The following CDH18 variants were observed in gnomAD, a reference collection of about 807,000 sequenced individuals.
CDH18 encodes cadherin 18.
A neutral mutation model predicts 67.9 loss-of-function variants in CDH18; 31 were observed. The ratio of observed to expected loss-of-function variants is 0.46; its 90% CI spans 0.34 to 0.62. CDH18 has a LOEUF of 0.62. Among genes scored for constraint, CDH18 ranks in the 20% least tolerant of loss-of-function variants. The pLI is 0.01. For missense variants in CDH18, 890 were observed against 975.5 expected (o/e 0.91, Z 1.17); for synonymous variants, 362 against 347.2 (o/e 1.04, Z -0.48).
intron 2 of CDH18, among the ~76,000 whole-genome samples, chr5:20,033,203 T>C (rs950345349): frequency 2.4e-4 from 37 of 151,384 alleles, no homozygotes; most frequent in African/African-American, 9.0e-4. Flanking sequence ...ATCTTCCTTT[T>C]TAAAAAAAAA....
intron 9 of CDH18, among the ~76,000 whole-genome samples, chr5:19,522,313 T>C (rs1374544997): frequency 6.6e-6 from 1 of 151,698 alleles, no homozygotes; most frequent in Admixed American, 6.6e-5. Flanking sequence ...TGGTGAAAAA[T>C]CTAAGAATTA....
intron 1 of CDH18, among the ~76,000 whole-genome samples, chr5:20,273,015 T>C (rs1440201911): frequency 1.3e-5 from 2 of 152,086 alleles, no homozygotes; most frequent in African/African-American, 2.4e-5. Context: ...AAGCAAACAA[T>C]TTACTATATG....
intron 1 of CDH18, among the ~76,000 whole-genome samples, chr5:20,341,857 C>A (rs62352791): frequency 0.49 from 75,051 of 151,780 alleles, 19,916 homozygotes; most frequent in Middle Eastern, 0.63. Flanking sequence ...ATTCACTGAT[C>A]ATGAGAAGCA....
At chr5:19,727,093 T>C (rs987958002) in intron 4 of CDH18, among the ~76,000 whole-genome samples, 2 of 152,180 alleles carry the variant, frequency 1.3e-5, no homozygotes, top group African/African-American at 2.4e-5. Flanking sequence ...CTTTCTGTTA[T>C]GTGAGCCCAA....
At chr5:19,902,872 C>T (rs1417104382) in intron 2 of CDH18, among the ~76,000 whole-genome samples, 5 of 152,130 alleles carry the variant, frequency 3.3e-5, no homozygotes, top group African/African-American at 1.2e-4. Flanking sequence ...CATTGTTTAA[C>T]TCTTATGAAG....
At chr5:20,427,224 C>G (rs1246118013) in intron 1 of CDH18, among the ~76,000 whole-genome samples, 24 of 151,002 alleles carry the variant, frequency 1.6e-4, no homozygotes, top group Non-Finnish European at 5.9e-5. Context: ...TAAATACAAT[C>G]CTAAATTTGC....
chr5:20,274,918 A>G (rs764422130), intron 1 of CDH18, among the ~76,000 whole-genome samples: 3 of 152,144 alleles, frequency 2.0e-5, no homozygotes, highest in African/African-American at 4.8e-5. Flanking sequence ...AAAAAATGCA[A>G]TAGCATTCCA....
intron 2 of CDH18, among the ~76,000 whole-genome samples, chr5:19,955,785 AG>A (rs1006925400): frequency 1.3e-5 from 2 of 152,120 alleles, no homozygotes; most frequent in African/African-American, 4.8e-5. Context: ...ACATTCCCAA[AG>A]AGTAACTGCC....
chr5:19,965,930 A>G (rs1797393718), intron 2 of CDH18, among the ~76,000 whole-genome samples: 1 of 152,182 alleles, frequency 6.6e-6, no homozygotes, highest in Non-Finnish European at 1.5e-5. Flanking sequence ...CATGCAGTAC[A>G]ACAGAACACA....
chr5:19,594,255 G>T (rs1745808336), intron 6 of CDH18, among the ~76,000 whole-genome samples: 1 of 151,962 alleles, frequency 6.6e-6, no homozygotes, highest in African/African-American at 2.4e-5. Flanking sequence ...GGCTTCACAG[G>T]ATTCTTCTGC....
At chr5:20,195,550 A>G (rs1408440069) in intron 2 of CDH18, among the ~76,000 whole-genome samples, 7 of 152,054 alleles carry the variant, frequency 4.6e-5, no homozygotes, top group Non-Finnish European at 1.5e-5. Context: ...GAATTATTTT[A>G]CTGCATAGAT....
At position 20,575,179 on chromosome 5, in the gene CDH18, C is replaced by T. The variant is rs140992748; in HGVS notation, c.-580+283G>A. 5.9e-3 allele frequency among the ~76,000 whole-genome samples: 900 copies of T among 151,984 alleles called. 14 individuals carry two copies. Among genetic ancestry groups the T allele is most frequent in the African/African-American group, 0.021 (859 of 41,480 alleles). ...AAAAAAATGTACTTTGTATTATAAA[C>T]TTGGCTTATTTTTCTTCTTTACGTG... On this transcript the variant is annotated intron_variant, in intron 1 of 14. Transcript: ENST00000507958.
intron 5 of CDH18, among the ~76,000 whole-genome samples, chr5:19,692,389 T>C (rs1211369154): frequency 6.6e-6 from 1 of 152,110 alleles, no homozygotes; most frequent in African/African-American, 2.4e-5. Context: ...AATGTGACTA[T>C]ATTAAACTAA....
At chr5:19,977,501 T>C (rs573757850) in intron 2 of CDH18, among the ~76,000 whole-genome samples, 64 of 152,278 alleles carry the variant, frequency 4.2e-4, no homozygotes, top group African/African-American at 1.5e-3. Context: ...CATATGTCAC[T>C]CCATTTGCAT....
intron 2 of CDH18, among the ~76,000 whole-genome samples, chr5:20,169,670 C>T (rs1736548215): frequency 6.6e-6 from 1 of 152,098 alleles, no homozygotes; most frequent in Non-Finnish European, 1.5e-5. Context: ...GCAATTTATA[C>T]ATTCTAAAAG....
intron 2 of CDH18, among the ~76,000 whole-genome samples, chr5:20,070,749 C>T (rs1743412564): frequency 6.6e-6 from 1 of 152,152 alleles, no homozygotes; most frequent in Non-Finnish European, 1.5e-5. Context: ...GCTACCTTAA[C>T]ACTGTACTTT....
At chr5:20,045,052 C>T (rs1294361175) in intron 2 of CDH18, among the ~76,000 whole-genome samples, 1 of 152,100 alleles carries the variant, frequency 6.6e-6, no homozygotes, top group Non-Finnish European at 1.5e-5. Context: ...TTCAGATTTT[C>T]TCTATCAGCA....
At chr5:19,871,012 T>C (rs144524721) in intron 2 of CDH18, among the ~76,000 whole-genome samples, 1 of 152,266 alleles carries the variant, frequency 6.6e-6, no homozygotes, top group Non-Finnish European at 1.5e-5. Context: ...ACTAAACACT[T>C]AACCTGTATT....
chr5:19,618,001 A>G (rs1018171558), intron 5 of CDH18, among the ~76,000 whole-genome samples: 4 of 152,202 alleles, frequency 2.6e-5, no homozygotes, highest in Admixed American at 2.0e-4. Context: ...AAAGAATCCA[A>G]GATGAAAATG....
Sources: gnomAD v4.1 joint callset for allele counts (sites outside exome capture counted in the v4.1 genomes callset) on GRCh38, gnomAD v4.1.1 for gene constraint, MANE v1.5 for transcripts, NCBI Gene and HGNC (gene_info 2026-07-23, HGNC 2026-07-21) for gene names.